TGFB2: variants seen among roughly 807,000 people sequenced by gnomAD.
TGFB2 encodes the protein transforming growth factor beta 2.
A neutral mutation model predicts 42.7 loss-of-function variants in TGFB2; 13 were observed. The ratio of observed to expected loss-of-function variants is 0.30; its 90% CI spans 0.20 to 0.48. The LOEUF is 0.48. TGFB2 is among the 20% of genes least tolerant of loss of function. The probability of loss-of-function intolerance (pLI) is 0.99; values close to 1 mark genes in which losing one functional copy is unlikely to be tolerated. For missense variants in TGFB2, 390 were observed against 517.5 expected, an observed-to-expected ratio of 0.75 and a Z score of 2.39; for synonymous variants, 193 against 193.6, an observed-to-expected ratio of 1.00 and a Z score of 0.03.
At chr1:218,364,245 A>T (rs770159378) in intron 1 of TGFB2, among the ~76,000 whole-genome samples, 5 of 152,188 alleles carry the variant, frequency 3.3e-5, no homozygotes, top group Non-Finnish European at 7.3e-5. Flanking sequence ...TGAGCTTGCC[A>T]CTTGCTCAAA....
chr1:218,441,746 T>A lies in TGFB2; in HGVS notation c.*384T>A. On this transcript the variant is annotated 3_prime_UTR_variant, in exon 7 of 7. Transcript: ENST00000366930. ...TAAGTGGAGTTGCTGTACGTACCGT[T>A]CCTATCCCGCGCCTCACTTGATTTT... The A allele has an allele frequency of 6.0e-6, 1 of 166,216 alleles. No homozygotes were observed. The allele number at this position is 166,216 out of a possible 1,614,324, so 10.3% of individuals were successfully genotyped here.
intron 1 of TGFB2, among the ~76,000 whole-genome samples, chr1:218,354,801 A>G (rs1047836791): frequency 6.6e-6 from 1 of 152,220 alleles, no homozygotes; most frequent in African/African-American, 2.4e-5. Context: ...ATACCTCTGA[A>G]GCACACAACC....
In TGFB2 at chr1:218,444,337, C is replaced by A. The variant is rs749449913; in HGVS notation, c.*2975C>A. On this transcript the variant is annotated 3_prime_UTR_variant, in exon 7 of 7. Coordinates refer to ENST00000366930, the MANE Select transcript of TGFB2 (RefSeq NM_003238.6). ...GCTTTCTGGTTCTATGTTCTGCCAACGCCAGGGCCAAAAGAACTGGTCTAG... is the reference window on the plus strand; with the variant it reads ...GCTTTCTGGTTCTATGTTCTGCCAAAGCCAGGGCCAAAAGAACTGGTCTAG... 2.6e-5 allele frequency: 4 copies of A among 152,192 alleles called. No homozygotes were observed. Among genetic ancestry groups the A allele is most frequent in the African/African-American group, 9.7e-5 (4 of 41,438 alleles). 9.4% of individuals were successfully genotyped at this position (152,192 alleles called of 1,614,324 possible).
chr1:218,438,617 G>T (rs1660048675), intron 6 of TGFB2, among the ~76,000 whole-genome samples: 1 of 152,044 alleles, frequency 6.6e-6, no homozygotes, highest in Non-Finnish European at 1.5e-5. Context: ...ATGAGAATCT[G>T]AGTATTTTAT....
At chr1:218,387,674 A>T (rs1463409003) in intron 1 of TGFB2, among the ~76,000 whole-genome samples, 2 of 152,184 alleles carry the variant, frequency 1.3e-5, no homozygotes, top group African/African-American at 4.8e-5. Context: ...CTCACTCCTG[A>T]AAAGCCCCTC....
At chr1:218,427,084 A>T (rs1659647082) in intron 2 of TGFB2, among the ~76,000 whole-genome samples, 1 of 152,128 alleles carries the variant, frequency 6.6e-6, no homozygotes, top group Non-Finnish European at 1.5e-5. Flanking sequence ...TCACACCTAA[A>T]ATTAGAAAAA....
chr1:218,416,060 C>T (rs549194133), intron 2 of TGFB2, among the ~76,000 whole-genome samples: 2 of 152,102 alleles, frequency 1.3e-5, no homozygotes, highest in Non-Finnish European at 2.9e-5. Context: ...TTTTGGGGAA[C>T]AGCCATTGTT....
intron 1 of TGFB2, among the ~76,000 whole-genome samples, chr1:218,364,446 C>G (rs1241523938): frequency 6.6e-6 from 1 of 152,174 alleles, no homozygotes; most frequent in Admixed American, 6.5e-5. Context: ...TTGGGTGATC[C>G]TGACGCTCAA....
chr1:218,366,875 T>G (rs1657404010), intron 1 of TGFB2, among the ~76,000 whole-genome samples: 1 of 152,256 alleles, frequency 6.6e-6, no homozygotes, highest in Non-Finnish European at 1.5e-5. Context: ...ACTCTCTGTT[T>G]GATCAGCTGG....
intron 1 of TGFB2, among the ~76,000 whole-genome samples, chr1:218,401,741 C>G: frequency 6.6e-6 from 1 of 152,158 alleles, no homozygotes; most frequent in East Asian, 1.9e-4. Context: ...AAAGCTCCAT[C>G]CCTCCAAGAC....
intron 1 of TGFB2, among the ~76,000 whole-genome samples, chr1:218,375,671 C>G (rs1314407855): frequency 6.6e-6 from 1 of 152,050 alleles, no homozygotes; most frequent in Non-Finnish European, 1.5e-5. Flanking sequence ...ACATTGAGAA[C>G]AGCGAGTGCT....
rs1214521404 is a variant in TGFB2, at chr1:218,346,893, C to G, written c.192C>G (p.Pro64=). 2 of 1,614,208 alleles carry G rather than the reference C, an allele frequency of 1.2e-6. No individual in the cohort carries two copies. Among genetic ancestry groups the G allele is most frequent in the Non-Finnish European group, 1.7e-6 (2 of 1,180,046 alleles). ...ACTATCCTGAGCCCGAGGAAGTCCC[C>G]CCGGAGGTGATTTCCATCTACAACA... ...PEDYPEPEEV[P]PEVISIYNST... is the part of the protein sequence containing the mutation. The change falls in exon 1 of 7, where the codon CCC becomes CCG. Residue 64 remains proline, a synonymous_variant. Transcript: ENST00000366930. The surrounding 1 kb of genome is among the most constrained non-coding windows in gnomAD (Gnocchi z 4.9).
intron 1 of TGFB2, among the ~76,000 whole-genome samples, chr1:218,365,165 G>A (rs769555801): frequency 1.3e-5 from 2 of 152,062 alleles, no homozygotes; most frequent in Non-Finnish European, 2.9e-5. Flanking sequence ...AGAGCTGGCT[G>A]GTGACAGAGC....
At chr1:218,363,611 T>C (rs1657290116) in intron 1 of TGFB2, among the ~76,000 whole-genome samples, 1 of 152,162 alleles carries the variant, frequency 6.6e-6, no homozygotes, top group Admixed American at 6.5e-5. Flanking sequence ...TGAATAGCTT[T>C]GAAGTAATGC....
intron 1 of TGFB2, among the ~76,000 whole-genome samples, chr1:218,356,264 C>T (rs1180354984): frequency 1.3e-5 from 2 of 151,836 alleles, no homozygotes; most frequent in African/African-American, 4.8e-5. Flanking sequence ...GTTGCCCAGG[C>T]TGGAGTAAGT....
intron 1 of TGFB2, among the ~76,000 whole-genome samples, chr1:218,380,981 A>G (rs1464370789): frequency 1.3e-5 from 2 of 152,174 alleles, no homozygotes; most frequent in Non-Finnish European, 2.9e-5. Context: ...GTAGATGGGA[A>G]AAGTGCAGCT....
Position 218,434,111 on chromosome 1 carries a change from A to G in TGFB2, c.540A>G (p.Pro180=), listed in dbSNP as rs762476197. The G allele has an allele frequency of 6.2e-7, 1 of 1,614,042 alleles. No individual in the cohort carries two copies. The highest frequency in any genetic ancestry group is 1.1e-5 in the South Asian group (1 of 91,078). Residue 180 remains proline (P), a synonymous_variant, in exon 3 of 7, where the codon CCA becomes CCG. Transcript: ENST00000366930. ...TCAAGTCCAAAGATTTAACATCTCC[A>G]ACCCAGCGCTACATCGACAGCAAAG... The part of the protein sequence containing the change: ...QILKSKDLTS[P]TQRYIDSKVV...
chr1:218,394,879 T>C (rs1658446136), intron 1 of TGFB2, among the ~76,000 whole-genome samples: 1 of 152,212 alleles, frequency 6.6e-6, no homozygotes, highest in Non-Finnish European at 1.5e-5. Context: ...TCTTGCTGGC[T>C]GTGTCTGTGC....
chr1:218,428,907 A>G (rs1659714062), intron 2 of TGFB2, among the ~76,000 whole-genome samples: 2 of 151,306 alleles, frequency 1.3e-5, no homozygotes, highest in African/African-American at 2.4e-5. Flanking sequence ...ATGGCACTGA[A>G]TCTATAAATT....
Sources: gnomAD v4.1 joint callset for allele counts (sites outside exome capture counted in the v4.1 genomes callset) on GRCh38, gnomAD v4.1.1 for gene constraint, Gnocchi (gnomAD v3.1) non-coding constraint, MANE v1.5 for transcripts, NCBI Gene and HGNC (gene_info 2026-07-23, HGNC 2026-07-21) for gene names.